Variants in RPS6KA5 observed in about 807,000 individuals in gnomAD.
The protein encoded by RPS6KA5 is ribosomal protein S6 kinase alpha-5.
RPS6KA5 carries 27 observed loss-of-function variants against 85.5 expected under a neutral mutation model. The observed-to-expected ratio is 0.32, with a 90% CI of 0.23 to 0.44. The LOEUF (loss-of-function observed/expected upper bound fraction) is 0.44. RPS6KA5 is among the 20% of genes least tolerant of loss of function. RPS6KA5 has a pLI of 1.00. For missense variants in RPS6KA5, 811 were observed against 980.9 expected (o/e 0.83, Z 2.31); for synonymous variants, 334 against 348.2 (o/e 0.96, Z 0.46).
At chr14:91,004,240 C>A (rs1310351893) in intron 1 of RPS6KA5, among the ~76,000 whole-genome samples, 1 of 152,202 alleles carries the variant, frequency 6.6e-6, no homozygotes, top group Non-Finnish European at 1.5e-5. Flanking sequence ...CGCCCGCCAC[C>A]ACGCCCGGCT....
At position 90,850,618 on chromosome 14, in the gene RPS6KA5, G is replaced by A. The variant is rs1179009021; in HGVS notation, c.*21456C>T. On this transcript the variant is annotated 3_prime_UTR_variant, in exon 17 of 17. Coordinates refer to ENST00000614987, the MANE Select transcript of RPS6KA5 (RefSeq NM_004755.4). The stretch of plus-strand genomic sequence containing the variant: ...TCTTGAACAAAAGGTACACATCAAA[G>A]TAGTGAGGTAGCAGCCCCCACTTTC... 1 of 152,224 alleles carries A rather than the reference G, an allele frequency of 6.6e-6. No individual in the cohort carries two copies. Among genetic ancestry groups the A allele is most frequent in the African/African-American group, 2.4e-5 (1 of 41,452 alleles). The allele number at this position is 152,224 out of a possible 1,614,324, so 9.4% of individuals were successfully genotyped here. A position where few individuals can be genotyped will look rare whatever the true frequency, so the allele number is the denominator to read the frequency against.
chr14:91,000,707 C>T (rs1555375223), intron 2 of RPS6KA5, among the ~76,000 whole-genome samples: 1 of 152,102 alleles, frequency 6.6e-6, no homozygotes, highest in Non-Finnish European at 1.5e-5. Flanking sequence ...GAGGCTGAGG[C>T]AGGAGAATCG....
intron 3 of RPS6KA5, among the ~76,000 whole-genome samples, chr14:90,974,446 A>T (rs1175983580): frequency 1.3e-5 from 2 of 152,244 alleles, no homozygotes; most frequent in African/African-American, 4.8e-5. Flanking sequence ...ACAAATGGCC[A>T]TGAATTCTTT....
In RPS6KA5 at chr14:91,044,331, AAGAT is replaced by A. The variant is rs200961862; in HGVS notation, c.103+15997_103+16000del. Among the ~76,000 whole-genome samples the A allele has an allele frequency of 7.5e-3, 832 of 111,302 alleles. 8 individuals are homozygous for A. The highest frequency in any genetic ancestry group is 0.018 in the Admixed American group (187 of 10,366). 73.0% of individuals were successfully genotyped at this position (111,302 alleles called of 152,430 possible). A position where few individuals can be genotyped will look rare whatever the true frequency, so the allele number is the denominator to read the frequency against. ...AGAGAGAGAGAGAAAGAGAGAGAGA[AAGAT>A]AGACAAAGAAAGAAAGAAAGAAAGA... On this transcript the variant is annotated intron_variant, in intron 1 of 16. Coordinates refer to ENST00000614987, the MANE Select transcript of RPS6KA5 (RefSeq NM_004755.4).
intron 3 of RPS6KA5, among the ~76,000 whole-genome samples, chr14:90,966,221 A>C (rs2039053917): frequency 6.6e-6 from 1 of 152,186 alleles, no homozygotes; most frequent in African/African-American, 2.4e-5. Flanking sequence ...CTCTTTGAAA[A>C]ACAAGACTCT....
At chr14:90,918,514 C>T (rs1416626077) in intron 7 of RPS6KA5, among the ~76,000 whole-genome samples, 1 of 152,130 alleles carries the variant, frequency 6.6e-6, no homozygotes, top group Non-Finnish European at 1.5e-5. Flanking sequence ...AGCAGAAATA[C>T]TTAATTTTGA....
At position 90,902,497 on chromosome 14, in the gene RPS6KA5, T is replaced by A. The variant is rs188807437; in HGVS notation, c.1119+311A>T. The stretch of plus-strand genomic sequence containing the variant: ...GAGACCCTGTCTATATAAATAAAAA[T>A]TTTTAAATATGAATAGAGGTAAAAT... On this transcript the variant is annotated intron_variant, in intron 9 of 16. Transcript: ENST00000614987. Among the ~76,000 whole-genome samples, 545 of 152,200 alleles carry A rather than the reference T, an allele frequency of 3.6e-3. 1 individual carries two copies. The highest frequency in any genetic ancestry group is 8.7e-3 in the African/African-American group (363 of 41,534).
At chr14:90,948,823 T>C (rs943891279) in intron 3 of RPS6KA5, among the ~76,000 whole-genome samples, 3 of 152,180 alleles carry the variant, frequency 2.0e-5, no homozygotes, top group African/African-American at 7.2e-5. Context: ...TAAAGCTTTT[T>C]CTCCTGAAAA....
At chr14:90,961,135 T>G (rs890188401) in intron 3 of RPS6KA5, among the ~76,000 whole-genome samples, 1 of 152,178 alleles carries the variant, frequency 6.6e-6, no homozygotes, top group African/African-American at 2.4e-5. Context: ...AGAATAACAA[T>G]AGCAACTATA....
chr14:91,010,079 A>G (rs28542124), intron 1 of RPS6KA5, among the ~76,000 whole-genome samples: 2 of 152,114 alleles, frequency 1.3e-5, no homozygotes, highest in East Asian at 3.9e-4. Context: ...GAAGAATGAG[A>G]AAAAAAGCCA....
chr14:90,997,716 A>T (rs1378360130), intron 2 of RPS6KA5, among the ~76,000 whole-genome samples: 1 of 152,172 alleles, frequency 6.6e-6, no homozygotes, highest in Non-Finnish European at 1.5e-5. Flanking sequence ...AGTCATAAAA[A>T]GTATGAAGTA....
intron 1 of RPS6KA5, among the ~76,000 whole-genome samples, chr14:91,057,321 G>C (rs906641672): frequency 6.6e-6 from 1 of 152,082 alleles, no homozygotes; most frequent in African/African-American, 2.4e-5. Context: ...ACATCTGCAA[G>C]GCACTGGTAA....
intron 1 of RPS6KA5, among the ~76,000 whole-genome samples, chr14:91,058,726 G>T (rs1198439504): frequency 6.6e-6 from 1 of 152,112 alleles, no homozygotes. Flanking sequence ...CAAATCACCT[G>T]AATTCATACA....
At chr14:90,877,962 T>C (rs186858230) in intron 14 of RPS6KA5, among the ~76,000 whole-genome samples, 1 of 152,350 alleles carries the variant, frequency 6.6e-6, no homozygotes, top group East Asian at 1.9e-4. Flanking sequence ...CAGCAAATGG[T>C]TAATAAGTTT....
intron 14 of RPS6KA5, among the ~76,000 whole-genome samples, chr14:90,887,429 A>G (rs2034295491): frequency 1.3e-5 from 2 of 152,052 alleles, no homozygotes; most frequent in South Asian, 4.1e-4. Flanking sequence ...GGCTTAAACA[A>G]TCTTCCTACC....
At chr14:90,902,563 A>G (rs2140235239) in intron 9 of RPS6KA5, among the ~76,000 whole-genome samples, 1 of 152,376 alleles carries the variant, frequency 6.6e-6, no homozygotes, top group Admixed American at 6.5e-5. Flanking sequence ...CTGAACAAAA[A>G]TAAAATTTCA....
chr14:90,881,874 GGATTTA>G (rs1475359869), intron 14 of RPS6KA5, among the ~76,000 whole-genome samples: 1 of 152,044 alleles, frequency 6.6e-6, no homozygotes, highest in Admixed American at 6.5e-5. Context: ...TTGTGTCTTT[GGATTTA>G]AAGTGATTCT....
intron 5 of RPS6KA5, among the ~76,000 whole-genome samples, chr14:90,935,678 A>C (rs2037216617): frequency 6.6e-6 from 1 of 152,222 alleles, no homozygotes; most frequent in Non-Finnish European, 1.5e-5. Flanking sequence ...TTCTGGAAAG[A>C]GAGAAACAGT....
chr14:90,891,936 C>G (rs2034585364), intron 13 of RPS6KA5, among the ~76,000 whole-genome samples: 1 of 151,658 alleles, frequency 6.6e-6, no homozygotes, highest in African/African-American at 2.4e-5. Flanking sequence ...CCTGCTAAGT[C>G]TTTGGAAATG....
Sources: gnomAD v4.1 joint callset for allele counts (sites outside exome capture counted in the v4.1 genomes callset) on GRCh38, gnomAD v4.1.1 for gene constraint, MANE v1.5 for transcripts, NCBI Gene and HGNC (gene_info 2026-07-23, HGNC 2026-07-21) for gene names.